CNIH3: variants seen among roughly 807,000 people sequenced by gnomAD.
The protein encoded by CNIH3 is cornichon family AMPA receptor auxiliary protein 3, also known as protein cornichon homolog 3.
In CNIH3, 14 loss-of-function variants were observed where a neutral mutation model predicts 24.1. The ratio of observed to expected loss-of-function variants is 0.58; its 90% confidence interval spans 0.38 to 0.91. The LOEUF is 0.91. CNIH3 is among the 40% of genes least tolerant of loss of function. The pLI is 0.00. For missense variants in CNIH3, 178 were observed against 196.8 expected (o/e 0.90, Z 0.57); for synonymous variants, 68 against 73.8 (o/e 0.92, Z 0.40).
intron 1 of CNIH3, among the ~76,000 whole-genome samples, chr1:224,626,981 G>T (rs1346516026): frequency 6.6e-6 from 1 of 152,094 alleles, no homozygotes; most frequent in South Asian, 2.1e-4. Context: ...TCTTCTCCAG[G>T]TACAAACCTG....
intron 1 of CNIH3, among the ~76,000 whole-genome samples, chr1:224,492,651 A>C (rs1488851478): frequency 6.6e-6 from 1 of 152,174 alleles, no homozygotes; most frequent in Non-Finnish European, 1.5e-5. Context: ...AATTTTAATA[A>C]GAAGATTTTA....
intron 3 of CNIH3, among the ~76,000 whole-genome samples, chr1:224,547,388 T>C (rs1226717627): frequency 6.6e-6 from 1 of 151,900 alleles, no homozygotes; most frequent in Non-Finnish European, 1.5e-5. Flanking sequence ...CCCTGTGATA[T>C]TATTCATAAT....
intron 1 of CNIH3, among the ~76,000 whole-genome samples, chr1:224,497,161 A>G (rs1158753008): frequency 6.6e-6 from 1 of 152,254 alleles, no homozygotes; most frequent in East Asian, 1.9e-4. Flanking sequence ...GAAATGTTCA[A>G]ATAGGCAAAT....
At chr1:224,605,731 A>C (rs548302196) in intron 3 of CNIH3, among the ~76,000 whole-genome samples, 7 of 151,536 alleles carry the variant, frequency 4.6e-5, no homozygotes, top group African/African-American at 1.5e-4. Flanking sequence ...CCAGAAGGGG[A>C]CTCAGTGCAT....
intron 3 of CNIH3, among the ~76,000 whole-genome samples, chr1:224,705,093 G>A (rs1687708402): frequency 1.3e-5 from 2 of 152,138 alleles, no homozygotes; most frequent in South Asian, 4.2e-4. Context: ...ACTCCAGCCT[G>A]GACAAGAGCG....
upstream of CNIH3, among the ~76,000 whole-genome samples, chr1:224,613,221 G>A (rs547272096): frequency 2.6e-5 from 4 of 152,046 alleles, no homozygotes; most frequent in Admixed American, 2.0e-4. Context: ...AGATGATCGC[G>A]AACTCCTGAC....
intron 1 of CNIH3, among the ~76,000 whole-genome samples, chr1:224,627,458 T>C (rs781453030): frequency 7.9e-5 from 12 of 152,202 alleles, no homozygotes; most frequent in Non-Finnish European, 1.6e-4. Context: ...ACTTCTGACC[T>C]TGTGATCCTC....
intron 4 of CNIH3, among the ~76,000 whole-genome samples, chr1:224,582,669 C>T (rs1681327710): frequency 1.3e-5 from 2 of 152,164 alleles, no homozygotes; most frequent in Non-Finnish European, 2.9e-5. Flanking sequence ...GCGTGGGGGA[C>T]TCCAAGTGGC....
intron 1 of CNIH3, among the ~76,000 whole-genome samples, chr1:224,623,038 G>A (rs756440155): frequency 8.5e-5 from 13 of 152,260 alleles, no homozygotes; most frequent in Non-Finnish European, 1.8e-4. Context: ...TCACTGTCCT[G>A]TCCTTGCTGT....
At chr1:224,654,265 C>T (rs1423146585) in intron 1 of CNIH3, among the ~76,000 whole-genome samples, 36 of 152,060 alleles carry the variant, frequency 2.4e-4, no homozygotes. Context: ...CACCTGTAAT[C>T]CCAGCTACTT....
chr1:224,565,272 C>G lies in CNIH3; in HGVS notation n.451-927C>G, dbSNP rs142326949. On this transcript the variant is annotated intron_variant and non_coding_transcript_variant, in intron 3 of 5. Transcript: ENST00000471578. ...AGTTCTCATTGCCCAACTGTATACT[C>G]TGAGTCACTGTCCTGTCACAGCCAT... 7.9e-5 allele frequency: 12 copies of G among 152,360 alleles called. No individual in the cohort carries two copies. In the East Asian group the frequency reaches 2.3e-3, roughly 29 times the overall value. 9.4% of individuals were successfully genotyped at this position (152,360 alleles called of 1,614,324 possible).
chr1:224,602,646 A>G (rs766120169), intron 3 of CNIH3, among the ~76,000 whole-genome samples: 1 of 152,264 alleles, frequency 6.6e-6, no homozygotes, highest in Non-Finnish European at 1.5e-5. Flanking sequence ...GTGTATTAAC[A>G]TGTATATTTC....
Position 224,458,536 on chromosome 1 carries a change from C to T in CNIH3, n.203+23674C>T, listed in dbSNP as rs1255187841. Among the ~76,000 whole-genome samples the T allele has an allele frequency of 6.6e-6, 1 of 152,190 alleles. No homozygotes were observed. Among genetic ancestry groups the T allele is most frequent in the African/African-American group, 2.4e-5 (1 of 41,444 alleles). ...GAGAGCCTGGTCTGATGACAGCAAC[C>T]ACCCTTTGACTACCTTCTCTGTGGC... On this transcript the variant is annotated intron_variant and non_coding_transcript_variant, in intron 1 of 5. Coordinates refer to the CNIH3 transcript ENST00000471578. The surrounding 1 kb of genome is among the most constrained non-coding windows in gnomAD (Gnocchi z 4.3).
chr1:224,481,788 C>T (rs1329554316), intron 1 of CNIH3, among the ~76,000 whole-genome samples: 1 of 152,216 alleles, frequency 6.6e-6, no homozygotes, highest in African/African-American at 2.4e-5. Flanking sequence ...CCCTAGGGCT[C>T]TACACTCAGC....
downstream of CNIH3, among the ~76,000 whole-genome samples, chr1:224,590,179 C>A (rs556201766): frequency 2.0e-5 from 3 of 152,164 alleles, no homozygotes; most frequent in Admixed American, 6.5e-5. Flanking sequence ...CAGCTGATAT[C>A]CACTTTTAAA....
chr1:224,504,994 T>TTCTC (rs1677833792), intron 1 of CNIH3, among the ~76,000 whole-genome samples: 1 of 67,902 alleles, frequency 1.5e-5, no homozygotes, highest in Non-Finnish European at 2.9e-5. Context: ...TATTTTCCCT[T>TTCTC]TCCCTCCCTC....
chr1:224,472,769 C>T (rs559909983), intron 1 of CNIH3, among the ~76,000 whole-genome samples: 146 of 152,158 alleles, frequency 9.6e-4, no homozygotes, highest in African/African-American at 3.4e-3. Flanking sequence ...CCACCTGTTC[C>T]CCAAAAATCC....
chr1:224,670,980 C>T (rs1685836374), intron 1 of CNIH3, among the ~76,000 whole-genome samples: 1 of 152,286 alleles, frequency 6.6e-6, no homozygotes, highest in Middle Eastern at 3.4e-3. Flanking sequence ...GGGCCTCATC[C>T]AATCAGCTGA....
chr1:224,738,644 C>T (rs1420374996), intron 5 of CNIH3, among the ~76,000 whole-genome samples: 1 of 152,280 alleles, frequency 6.6e-6, no homozygotes, highest in Non-Finnish European at 1.5e-5. Flanking sequence ...TGGTGCAGAT[C>T]ATTCCTCAGC....
Sources: gnomAD v4.1 joint callset for allele counts (sites outside exome capture counted in the v4.1 genomes callset) on GRCh38, gnomAD v4.1.1 for gene constraint, Gnocchi (gnomAD v3.1) non-coding constraint, MANE v1.5 for transcripts, NCBI Gene and HGNC (gene_info 2026-07-23, HGNC 2026-07-21) for gene names.